MTMR8: variants seen among roughly 807,000 people sequenced by gnomAD.
The protein encoded by MTMR8 is myotubularin related protein 8.
A neutral mutation model predicts 39.3 loss-of-function variants in MTMR8; 65 were observed. The observed-to-expected ratio is 1.65, with a 90% CI of 1.35 to 2.03. The LOEUF (loss-of-function observed/expected upper bound fraction) is 2.03. MTMR8 is among the 30% of genes most tolerant of loss of function. MTMR8 has a pLI of 0.00. For missense variants in MTMR8, 777 were observed against 538.9 expected, an observed-to-expected ratio of 1.44 and a Z score of -4.37; for synonymous variants, 245 against 185.2, an observed-to-expected ratio of 1.32 and a Z score of -2.62.
chrX:64,360,095 C>A (rs766510686), intron 1 of MTMR8, among the ~76,000 whole-genome samples: 1 of 109,960 alleles, frequency 9.1e-6, no homozygotes, highest in Admixed American at 9.7e-5. Flanking sequence ...ACAAAAGATT[C>A]AACAATATTC....
At chrX:64,342,663 A>G (rs1260133720) in intron 8 of MTMR8, among the ~76,000 whole-genome samples, 2 of 112,311 alleles carry the variant, frequency 1.8e-5, no homozygotes, top group Non-Finnish European at 3.8e-5. Flanking sequence ...AACATCAATA[A>G]CAATGAAAAG....
chrX:64,307,092 T>C (rs1338002115), intron 12 of MTMR8, among the ~76,000 whole-genome samples: 2 of 112,375 alleles, frequency 1.8e-5, no homozygotes, highest in Non-Finnish European at 3.8e-5. Context: ...TGTTTATGTC[T>C]TTTGCCTATT....
At chrX:64,274,327 G>A (rs1469702452) in intron 12 of MTMR8, among the ~76,000 whole-genome samples, 2 of 111,930 alleles carry the variant, frequency 1.8e-5, no homozygotes, top group East Asian at 5.6e-4. Context: ...AAAACATATG[G>A]AAATTAAAAA....
At chrX:64,354,649 G>T in intron 4 of MTMR8, 128 bp downstream of exon 4, 2 of 671,958 alleles carry the variant, frequency 3.0e-6, no homozygotes, top group Non-Finnish European at 4.3e-6. Flanking sequence ...TCTGTTGAAT[G>T]GCTGAATGTT....
chrX:64,270,838 T>C (rs181238637), intron 13 of MTMR8, 109 bp downstream of exon 13: 6 of 889,364 alleles, frequency 6.7e-6, no homozygotes, highest in Non-Finnish European at 7.6e-6. Context: ...AGCCAAAGAG[T>C]ATAAAAAAGC....
At chrX:64,276,073 C>G (rs1931865841) in intron 12 of MTMR8, among the ~76,000 whole-genome samples, 1 of 111,898 alleles carries the variant, frequency 8.9e-6, no homozygotes, top group Non-Finnish European at 1.9e-5. Flanking sequence ...ATTCTTCTCT[C>G]TTTTCTTCTT....
At chrX:64,299,650 T>C (rs1318272276) in intron 12 of MTMR8, among the ~76,000 whole-genome samples, 1 of 84,061 alleles carries the variant, frequency 1.2e-5, no homozygotes, top group Non-Finnish European at 2.3e-5. Context: ...CTTGCTTTTC[T>C]AGTTCTTTTA....
rs140739279 is a variant in MTMR8 at position 64,308,201 on chromosome X, T to C, written c.1481+20571A>G. On this transcript the variant is annotated intron_variant, in intron 12 of 13. Coordinates refer to ENST00000374852, the MANE Select transcript of MTMR8 (RefSeq NM_017677.4). ...ATTAGCTAAGAATTCAAAAAAACTT[T>C]TGACGAAGCATAATACTTTTTTTTT... Among the ~76,000 whole-genome samples, 69 of 111,151 alleles carry C rather than the reference T, an allele frequency of 6.2e-4. 1 individual carries two copies. The East Asian group carries it at 0.015, about 23-fold the overall frequency.
intron 12 of MTMR8, among the ~76,000 whole-genome samples, chrX:64,323,604 T>C (rs1295017303): frequency 8.9e-6 from 1 of 112,430 alleles, no homozygotes; most frequent in African/African-American, 3.2e-5. Context: ...AGCTGCAGAA[T>C]AAACAGTCTT....
At chrX:64,376,445 T>G (rs1404126643) in intron 1 of MTMR8, among the ~76,000 whole-genome samples, 1 of 112,190 alleles carries the variant, frequency 8.9e-6, no homozygotes, top group Non-Finnish European at 1.9e-5. Flanking sequence ...AAAGTCACTC[T>G]TGCTATGCTT....
rs1198498719 is a variant in MTMR8, at chrX:64,269,026, A to G, written c.1626T>C (p.Asp542=). Residue 542 remains aspartate (D), a synonymous_variant, in exon 14 of 14, where the codon GAT becomes GAC. Transcript: ENST00000374852. ...HELEKKLKVR[D]EPPEEICTCS... ...AGGTACAGATCTCTTCTGGTGGCTC[A>G]TCACGGACTTTTAGTTTCTGCCTCA... The G allele has an allele frequency of 8.3e-7, 1 of 1,207,143 alleles. No individual in the cohort carries two copies. The highest frequency in any genetic ancestry group is 2.2e-5 in the Admixed American group (1 of 45,444).
intron 12 of MTMR8, among the ~76,000 whole-genome samples, chrX:64,320,236 A>G (rs1922598400): frequency 9.0e-6 from 1 of 110,632 alleles, no homozygotes; most frequent in African/African-American, 3.3e-5. Context: ...AATGCTTGTG[A>G]TTTTTGCACA....
rs182103452 is a variant in MTMR8 at position 64,275,270 on chromosome X, G to A, written c.1482-4197C>T. On this transcript the variant is annotated intron_variant, in intron 12 of 13. Coordinates refer to ENST00000374852, the MANE Select transcript of MTMR8 (RefSeq NM_017677.4). Reference sequence around the variant, plus strand: ...TATAGTGATACTAAAAAAGAAGAAAGATCTAAAATCAAAAACCTAACTTTA... The same window carrying A: ...TATAGTGATACTAAAAAAGAAGAAAAATCTAAAATCAAAAACCTAACTTTA... 3.1e-4 allele frequency among the ~76,000 whole-genome samples: 34 copies of A among 110,842 alleles called. 1 individual carries two copies. The East Asian group carries it at 9.0e-3, about 29-fold the overall frequency.
chrX:64,285,949 AG>A (rs763720298), intron 12 of MTMR8, among the ~76,000 whole-genome samples: 1 of 112,012 alleles, frequency 8.9e-6, no homozygotes, highest in East Asian at 2.8e-4. Context: ...TTCAAAAGCT[AG>A]CAGAAGGCAA....
At chrX:64,293,182 G>T (rs1282593495) in intron 12 of MTMR8, among the ~76,000 whole-genome samples, 1 of 111,663 alleles carries the variant, frequency 9.0e-6, no homozygotes, top group Non-Finnish European at 1.9e-5. Context: ...CCTGATAAGT[G>T]TAAGTCCTCT....
chrX:64,315,936 T>C (rs554780998), intron 12 of MTMR8, among the ~76,000 whole-genome samples: 15 of 111,531 alleles, frequency 1.3e-4, no homozygotes, highest in African/African-American at 4.6e-4. Flanking sequence ...TGCCTATACA[T>C]ACTCTCTCTG....
intron 1 of MTMR8, among the ~76,000 whole-genome samples, chrX:64,366,934 C>A (rs1363844323): frequency 2.7e-5 from 3 of 111,358 alleles, no homozygotes; most frequent in African/African-American, 6.5e-5. Flanking sequence ...CACCATCGAT[C>A]CCACAGAAAT....
intron 10 of MTMR8, among the ~76,000 whole-genome samples, chrX:64,334,570 T>TAAA (rs537003359): frequency 2.5e-4 from 17 of 69,325 alleles, no homozygotes; most frequent in Non-Finnish European, 4.1e-4. Context: ...TCTTTCAGCT[T>TAAA]AAAAAAAAAA....
chrX:64,362,062 AT>A (rs1324160564), intron 1 of MTMR8, among the ~76,000 whole-genome samples: 2 of 111,072 alleles, frequency 1.8e-5, no homozygotes, highest in African/African-American at 3.3e-5. Flanking sequence ...AATTAAAAAA[AT>A]AACATTCACG....
Sources: gnomAD v4.1 joint callset for allele counts (sites outside exome capture counted in the v4.1 genomes callset) on GRCh38, gnomAD v4.1.1 for gene constraint, MANE v1.5 for transcripts, NCBI Gene and HGNC (gene_info 2026-07-23, HGNC 2026-07-21) for gene names.